RBFOX3: variants seen among roughly 807,000 people sequenced by gnomAD.
RBFOX3 encodes the protein RNA binding protein fox-1 homolog 3.
In RBFOX3, 17 loss-of-function variants were observed where a neutral mutation model predicts 48.7. The ratio of observed to expected loss-of-function variants is 0.35; its 90% CI spans 0.24 to 0.52. The LOEUF (loss-of-function observed/expected upper bound fraction) is 0.52, where lower values mean the gene tolerates loss of function less well. Ranked by LOEUF, RBFOX3 falls within the 20% of genes least tolerant of loss-of-function variation. The pLI is 0.94. For synonymous variants in RBFOX3, 212 were observed against 209.5 expected, an observed-to-expected ratio of 1.01 and a Z score of -0.10; for missense variants, 382 against 497.5, an observed-to-expected ratio of 0.77 and a Z score of 2.21.
the RBFOX3 span, among the ~76,000 whole-genome samples, chr17:79,656,774 G>GAGAGAGAGAGAGAGACAGAAAGA: frequency 0.1 from 2,786 of 27,128 alleles, 79 homozygotes; most frequent in Middle Eastern, 0.2. Flanking sequence ...AGGAAGGAAG[G>GAGAGAGAGAGAGAGACAGAAAGA]AAGGAAAGAA....
intron 4 of RBFOX3, among the ~76,000 whole-genome samples, chr17:79,121,023 C>T (rs2035609302): frequency 6.6e-6 from 1 of 152,116 alleles, no homozygotes; most frequent in South Asian, 2.1e-4. Flanking sequence ...ATGTTGATTT[C>T]ACCCTTCCTC....
At chr17:79,593,227 C>T (rs2093473246) in intron 1 of RBFOX3, among the ~76,000 whole-genome samples, 1 of 152,204 alleles carries the variant, frequency 6.6e-6, no homozygotes, top group Non-Finnish European at 1.5e-5. Context: ...CCTGCCCTTC[C>T]CTGGCAGCTC....
chr17:79,592,736 C>G (rs1439468563), intron 1 of RBFOX3, among the ~76,000 whole-genome samples: 1 of 152,176 alleles, frequency 6.6e-6, no homozygotes, highest in Non-Finnish European at 1.5e-5. Context: ...CCAGCAGGCC[C>G]AAGCCAAGGC....
At chr17:79,126,904 C>A (rs530903766) in intron 4 of RBFOX3, among the ~76,000 whole-genome samples, 1 of 152,200 alleles carries the variant, frequency 6.6e-6, no homozygotes, top group Admixed American at 6.5e-5. Flanking sequence ...AACTTCCACC[C>A]GGCACCGGGC....
chr17:79,137,153 T>TGCTCACATGCATGGACTCACACACGC (rs1439332026), intron 4 of RBFOX3, among the ~76,000 whole-genome samples: 2 of 151,850 alleles, frequency 1.3e-5, no homozygotes, highest in African/African-American at 4.8e-5. Context: ...CACACACACG[T>TGCTCACATGCATGGACTCACACACGC]GCTCACATGC....
chr17:79,505,035 C>T (rs2082892926), intron 1 of RBFOX3, among the ~76,000 whole-genome samples: 1 of 152,198 alleles, frequency 6.6e-6, no homozygotes, highest in Non-Finnish European at 1.5e-5. Context: ...AAAGCACCCA[C>T]TGGCCGGCCA....
the RBFOX3 span, among the ~76,000 whole-genome samples, chr17:79,663,987 C>T: frequency 2.8e-3 from 424 of 152,198 alleles, 4 homozygotes; most frequent in African/African-American, 9.8e-3. Context: ...ACGCTGACTA[C>T]CAAGGAAGGC....
At chr17:79,104,173 G>A (rs796902061) in intron 6 of RBFOX3, 47 bp from the exon 7 acceptor site, 6 of 1,474,668 alleles carry the variant, frequency 4.1e-6, no homozygotes, top group East Asian at 2.5e-5. Context: ...AGGAAAGTGC[G>A]GGTTAAGACT....
At chr17:79,196,848 G>A (rs149931624) in intron 4 of RBFOX3, among the ~76,000 whole-genome samples, 35 of 152,276 alleles carry the variant, frequency 2.3e-4, no homozygotes, top group African/African-American at 7.9e-4. Flanking sequence ...ATTACTGTTT[G>A]TTCTGGATTA....
rs1165628231 is a variant in RBFOX3, at chr17:79,390,459, T to C, written c.-174-82635A>G. Among the ~76,000 whole-genome samples, 1 of 149,634 alleles carries C rather than the reference T, an allele frequency of 6.7e-6. No homozygotes were observed. Among genetic ancestry groups the C allele is most frequent in the Non-Finnish European group, 1.5e-5 (1 of 67,680 alleles). ...ACTCAGAGTCCAACCGGCGTGGAAA[T>C]ACAGTCTTTGCGCCACTGCTTTTTT... On this transcript the variant is annotated intron_variant, in intron 2 of 14. Transcript: ENST00000693108. This position sits in a 1 kb window ranked among gnomAD's most constrained non-coding sequence, Gnocchi z 4.2.
At chr17:79,356,088 G>A (rs546538912) in intron 2 of RBFOX3, among the ~76,000 whole-genome samples, 34 of 152,230 alleles carry the variant, frequency 2.2e-4, no homozygotes, top group Admixed American at 7.8e-4. Flanking sequence ...GCTTTGGGGC[G>A]TTCACCCCAA....
intron 2 of RBFOX3, among the ~76,000 whole-genome samples, chr17:79,404,073 C>T (rs28449833): frequency 0.029 from 4,450 of 152,312 alleles, 145 homozygotes; most frequent in African/African-American, 0.081. Context: ...CCACCACACC[C>T]GGCCCAGGAT....
At chr17:79,129,780 A>G (rs916282218) in intron 4 of RBFOX3, among the ~76,000 whole-genome samples, 10 of 152,352 alleles carry the variant, frequency 6.6e-5, no homozygotes, top group African/African-American at 2.4e-4. Flanking sequence ...CTGGTTCTAA[A>G]CTACCAGCCT....
At chr17:79,559,263 G>T (rs1396805754) in intron 1 of RBFOX3, among the ~76,000 whole-genome samples, 1 of 152,198 alleles carries the variant, frequency 6.6e-6, no homozygotes, top group Non-Finnish European at 1.5e-5. Context: ...TGGATGGATG[G>T]GTAGATGGCA....
intron 1 of RBFOX3, among the ~76,000 whole-genome samples, chr17:79,484,977 G>T (rs1210027406): frequency 6.6e-6 from 1 of 152,206 alleles, no homozygotes; most frequent in African/African-American, 2.4e-5. Context: ...TCCTGGAGGC[G>T]ATTCCCAAGC....
chr17:79,441,096 G>A (rs1394842094), intron 2 of RBFOX3, among the ~76,000 whole-genome samples: 3 of 152,238 alleles, frequency 2.0e-5, no homozygotes, highest in Non-Finnish European at 4.4e-5. Flanking sequence ...GGGCGTCAGC[G>A]GAGGCAACCA....
rs139494410 is a variant in RBFOX3, at chr17:79,217,822, G to A, written c.-34+17944C>T. ...GTGGAACAAGCCCAAAGGAGAACACGGCAGATGTTCAGATTAACCTTGGAG... is the reference window on the plus strand; with the variant it reads ...GTGGAACAAGCCCAAAGGAGAACACAGCAGATGTTCAGATTAACCTTGGAG... On this transcript the variant is annotated intron_variant, in intron 4 of 14. Transcript: ENST00000693108. Among the ~76,000 whole-genome samples the A allele has an allele frequency of 7.2e-4, 110 of 152,260 alleles. No homozygotes were observed. In the East Asian group the frequency reaches 7.9e-3, roughly 11 times the overall value.
intron 3 of RBFOX3, among the ~76,000 whole-genome samples, chr17:79,279,255 A>C (rs917049930): frequency 3.9e-5 from 6 of 152,164 alleles, no homozygotes; most frequent in African/African-American, 1.4e-4. Context: ...CTGCTTCTCT[A>C]GGTTGGACAT....
At chr17:79,131,500 C>T (rs1831041979) in intron 4 of RBFOX3, among the ~76,000 whole-genome samples, 1 of 152,256 alleles carries the variant, frequency 6.6e-6, no homozygotes, top group Admixed American at 6.5e-5. Flanking sequence ...AGCCTCAGGC[C>T]TTCCTGTTAA....
Sources: gnomAD v4.1 joint callset for allele counts (sites outside exome capture counted in the v4.1 genomes callset) on GRCh38, gnomAD v4.1.1 for gene constraint, Gnocchi (gnomAD v3.1) non-coding constraint, MANE v1.5 for transcripts, NCBI Gene and HGNC (gene_info 2026-07-23, HGNC 2026-07-21) for gene names.